Variants in NTRK3 observed in about 807,000 individuals in gnomAD.
NTRK3 encodes NT-3 growth factor receptor.
NTRK3 carries 24 observed loss-of-function variants against 91.7 expected under a neutral mutation model. The observed-to-expected ratio is 0.26, with a 90% CI of 0.19 to 0.37. NTRK3 has a LOEUF of 0.37. NTRK3 is among the 10% of genes least tolerant of loss of function. NTRK3 has a pLI of 1.00. For missense variants in NTRK3, 880 were observed against 1,068.9 expected, an observed-to-expected ratio of 0.82 and a Z score of 2.46; for synonymous variants, 483 against 404.0, an observed-to-expected ratio of 1.20 and a Z score of -2.34.
exon 19 of NTRK3, chr15:87,864,524 A>C (rs2064611268): frequency 4.4e-6 from 1 of 229,618 alleles, no homozygotes; most frequent in African/African-American, 2.2e-5. Flanking sequence ...TTAGGAAGTT[A>C]TATAGTGAAA....
At position 88,080,294 on chromosome 15, in the gene NTRK3, C is replaced by A. The variant is rs76661449; in HGVS notation, c.1396+45977G>T. Among the ~76,000 whole-genome samples, 1,402 of 152,208 alleles carry A rather than the reference C, an allele frequency of 9.2e-3. 27 individuals are homozygous for A. Among genetic ancestry groups the A allele is most frequent in the African/African-American group, 0.032 (1,335 of 41,510 alleles). On this transcript the variant is annotated intron_variant, in intron 13 of 18. Transcript: ENST00000394480. ...TTTTTGAAAAATACTGTCAAACAAG[C>A]CCTCTGGTAAAGTTGTACCAATTTA...
At chr15:87,934,475 T>C (rs976344327) in intron 15 of NTRK3, among the ~76,000 whole-genome samples, 2 of 152,176 alleles carry the variant, frequency 1.3e-5, no homozygotes, top group African/African-American at 4.8e-5. Flanking sequence ...AGTGCCAAAA[T>C]GTCTCCCTCA....
intron 14 of NTRK3, among the ~76,000 whole-genome samples, chr15:88,021,559 G>A (rs1368498888): frequency 6.6e-6 from 1 of 151,352 alleles, no homozygotes; most frequent in Non-Finnish European, 1.5e-5. Context: ...CTTAATCCAG[G>A]TTTTCCCAAA....
At chr15:87,918,118 A>G (rs568406985) in intron 17 of NTRK3, among the ~76,000 whole-genome samples, 9 of 152,188 alleles carry the variant, frequency 5.9e-5, no homozygotes, top group African/African-American at 1.9e-4. Context: ...CATGGATTCT[A>G]ATGGCTTCTC....
intron 13 of NTRK3, among the ~76,000 whole-genome samples, chr15:88,115,342 G>C (rs1162745561): frequency 6.6e-6 from 1 of 152,226 alleles, no homozygotes; most frequent in Non-Finnish European, 1.5e-5. Flanking sequence ...GCTCATAACA[G>C]TACTCAAATC....
intron 14 of NTRK3, among the ~76,000 whole-genome samples, chr15:87,949,581 G>C (rs755038432): frequency 6.6e-6 from 1 of 152,158 alleles, no homozygotes; most frequent in Non-Finnish European, 1.5e-5. Flanking sequence ...CCTGACACAA[G>C]AAGTTCAGAA....
chr15:88,230,134 G>A (rs536488884), intron 3 of NTRK3, among the ~76,000 whole-genome samples: 37 of 152,258 alleles, frequency 2.4e-4, no homozygotes, highest in African/African-American at 8.4e-4. Flanking sequence ...CTAAAAAGTG[G>A]GAATCATAAC....
chr15:87,946,485 T>C (rs2070513347), intron 14 of NTRK3, among the ~76,000 whole-genome samples: 1 of 152,200 alleles, frequency 6.6e-6, no homozygotes, highest in African/African-American at 2.4e-5. Flanking sequence ...GTGCTTTGGC[T>C]AATTATTGTC....
intron 17 of NTRK3, among the ~76,000 whole-genome samples, chr15:87,903,202 C>T (rs914121109): frequency 6.6e-6 from 1 of 152,238 alleles, no homozygotes; most frequent in African/African-American, 2.4e-5. Flanking sequence ...AATAGCAGAA[C>T]CCACATCATC....
At chr15:88,098,556 G>C (rs944426701) in intron 13 of NTRK3, 15 of 228,368 alleles carry the variant, frequency 6.6e-5, no homozygotes, top group African/African-American at 3.1e-4. Context: ...CAGAACTTAT[G>C]ATAAAATGCA....
At chr15:88,083,263 C>G (rs560654839) in intron 13 of NTRK3, among the ~76,000 whole-genome samples, 19 of 152,208 alleles carry the variant, frequency 1.2e-4, no homozygotes, top group Admixed American at 1.2e-3. Flanking sequence ...TCTTGTCACC[C>G]AGGCTGGAGT....
At chr15:88,228,031 C>G (rs193085407) in intron 3 of NTRK3, among the ~76,000 whole-genome samples, 2 of 152,316 alleles carry the variant, frequency 1.3e-5, no homozygotes, top group Non-Finnish European at 2.9e-5. Context: ...CCCAAGCCAG[C>G]CCAGAAACTC....
At chr15:87,907,958 G>C (rs949146059) in intron 17 of NTRK3, among the ~76,000 whole-genome samples, 23 of 152,292 alleles carry the variant, frequency 1.5e-4, no homozygotes, top group African/African-American at 5.3e-4. Context: ...CTGAGCATCA[G>C]GTCTGTTAGA....
At chr15:88,116,235 G>C (rs961487999) in intron 13 of NTRK3, among the ~76,000 whole-genome samples, 2 of 152,136 alleles carry the variant, frequency 1.3e-5, no homozygotes, top group African/African-American at 2.4e-5. Context: ...AACAGTTTTA[G>C]GAAAGAAGAG....
chr15:88,137,621 C>A, intron 6 of NTRK3, 60 bp from the exon 7 acceptor site: 1 of 1,584,704 alleles, frequency 6.3e-7, no homozygotes, highest in East Asian at 2.3e-5. Context: ...AGGACCCTCC[C>A]AGGGCTATGA....
At chr15:88,135,154 A>G in exon 10 of NTRK3, 1 of 1,614,218 alleles carries the variant, frequency 6.2e-7, no homozygotes, top group Non-Finnish European at 8.5e-7. Flanking sequence ...GGCTGTGCCC[A>G]GTGGGTTTTT....
rs190695832 is a variant in NTRK3, at chr15:87,880,482, G to A, written c.2134-54C>T. 81 of 1,583,336 alleles carry A rather than the reference G, an allele frequency of 5.1e-5. No individual in the cohort carries two copies. The Admixed American group carries it at 1.3e-3, about 26-fold the overall frequency. On this transcript the variant is annotated intron_variant, in intron 17 of 18. Coordinates refer to ENST00000394480, the Ensembl canonical transcript of NTRK3. Reference sequence around the variant, plus strand: ...GAGTGACCAGATGGCCAGAATGAGTGTTATCTGTCTGCACTCTTCACACAT... The same window carrying A: ...GAGTGACCAGATGGCCAGAATGAGTATTATCTGTCTGCACTCTTCACACAT...
intron 14 of NTRK3, among the ~76,000 whole-genome samples, chr15:87,995,692 T>A (rs567071987): frequency 6.6e-6 from 1 of 152,240 alleles, no homozygotes; most frequent in African/African-American, 2.4e-5. Flanking sequence ...CAGTGGCTGG[T>A]CTAGCTAGGG....
At chr15:87,990,124 A>G (rs2075172540) in intron 14 of NTRK3, among the ~76,000 whole-genome samples, 1 of 152,186 alleles carries the variant, frequency 6.6e-6, no homozygotes, top group African/African-American at 2.4e-5. Context: ...AGGGTAGAGT[A>G]CAACAGTCTT....
Sources: gnomAD v4.1 joint callset for allele counts (sites outside exome capture counted in the v4.1 genomes callset) on GRCh38, gnomAD v4.1.1 for gene constraint, MANE v1.5 for transcripts, NCBI Gene and HGNC (gene_info 2026-07-23, HGNC 2026-07-21) for gene names.